Variants in AKAP11 observed in about 807,000 individuals in gnomAD.
AKAP11 encodes A-kinase anchor protein 11.
Under a neutral mutation model 146.1 loss-of-function variants are expected in AKAP11, and 36 were observed. The observed-to-expected ratio is 0.25, with a 90% CI of 0.19 to 0.33. The LOEUF (loss-of-function observed/expected upper bound fraction) is 0.33. AKAP11 is among the 10% of genes least tolerant of loss of function. AKAP11 has a pLI of 1.00. For synonymous variants in AKAP11, 780 were observed against 786.5 expected (o/e 0.99, Z 0.14); for missense variants, 2,201 against 2,197.0 (o/e 1.00, Z -0.04).
chr13:42,302,918 G>C lies in AKAP11; in HGVS notation c.4172G>C (p.Cys1391Ser), dbSNP rs375693040. The C allele has an allele frequency of 3.1e-6, 5 of 1,613,904 alleles. No homozygotes were observed. The highest frequency in any genetic ancestry group is 4.2e-6 in the Non-Finnish European group (5 of 1,179,986). ...QEAAKTTKVQ[C>S]NSRMFPVPSS... is the part of the protein sequence containing the mutation. ...GCAGCTAAGACAACCAAAGTGCAGTGCAACTCAAGAATGTTCCCTGTGCCA... is the reference window on the plus strand; with the variant it reads ...GCAGCTAAGACAACCAAAGTGCAGTCCAACTCAAGAATGTTCCCTGTGCCA... Residue 1391 changes from cysteine (C) to serine (S), a missense_variant, in exon 8 of 13, where the codon TGC (cysteine) becomes TCC (serine). Coordinates refer to ENST00000025301, the MANE Select transcript of AKAP11 (RefSeq NM_016248.4).
At chr13:42,315,448 C>T (rs1960773681) in intron 11 of AKAP11, among the ~76,000 whole-genome samples, 2 of 152,150 alleles carry the variant, frequency 1.3e-5, no homozygotes, top group Admixed American at 6.5e-5. Flanking sequence ...AAAAGTTATG[C>T]CTTTTCTCAA....
intron 11 of AKAP11, among the ~76,000 whole-genome samples, chr13:42,315,110 G>T (rs1005780589): frequency 6.6e-6 from 1 of 152,056 alleles, no homozygotes; most frequent in Admixed American, 6.6e-5. Flanking sequence ...TGCTTCTCTA[G>T]AAGCAGGCAA....
chr13:42,282,498 G>A (rs974859109), intron 1 of AKAP11, among the ~76,000 whole-genome samples: 1 of 151,974 alleles, frequency 6.6e-6, no homozygotes, highest in South Asian at 2.1e-4. Context: ...ATATATGTAG[G>A]ATAAATTTTA....
chr13:42,305,369 G>A (rs1250168687), intron 8 of AKAP11, among the ~76,000 whole-genome samples: 1 of 152,176 alleles, frequency 6.6e-6, no homozygotes, highest in East Asian at 1.9e-4. Flanking sequence ...GAGAGATGAT[G>A]TAGGTTTCTG....
chr13:42,302,921 A>C lies in AKAP11; in HGVS notation c.4175A>C (p.Asn1392Thr). Residue 1392 changes from asparagine (N) to threonine (T), a missense_variant, in exon 8 of 13, where the codon AAC (asparagine) becomes ACC (threonine). Physicochemically the swap from Asn to Thr is moderately conservative, Grantham distance 65 (BLOSUM62 0). This residue lies in a region of AKAP11 where 1,867 missense variants were observed against 1,833.5 expected (regional missense o/e 1.02). Coordinates refer to ENST00000025301, the MANE Select transcript of AKAP11 (RefSeq NM_016248.4). Reference sequence around the variant, plus strand: ...GCTAAGACAACCAAAGTGCAGTGCAACTCAAGAATGTTCCCTGTGCCAAGT... The same window carrying C: ...GCTAAGACAACCAAAGTGCAGTGCACCTCAAGAATGTTCCCTGTGCCAAGT... ...EAAKTTKVQC[N>T]SRMFPVPSSQ... 1 of 1,614,028 alleles carries C rather than the reference A, an allele frequency of 6.2e-7. No individual in the cohort carries two copies. Among genetic ancestry groups the C allele is most frequent in the Non-Finnish European group, 8.5e-7 (1 of 1,180,016 alleles).
chr13:42,272,495 T>G (rs1311532372), intron 1 of AKAP11, among the ~76,000 whole-genome samples: 1 of 152,294 alleles, frequency 6.6e-6, no homozygotes, highest in Non-Finnish European at 1.5e-5. Flanking sequence ...CGCGTCTTCC[T>G]GGGGTCCCAA....
In AKAP11 at chr13:42,313,142, C is replaced by A; in HGVS notation, c.5357+12C>A. The A allele has an allele frequency of 1.3e-6, 2 of 1,595,888 alleles. No homozygotes were observed. Among genetic ancestry groups the A allele is most frequent in the South Asian group, 1.1e-5 (1 of 88,904 alleles). On this transcript the variant is annotated intron_variant, in intron 10 of 12. Coordinates refer to ENST00000025301, the MANE Select transcript of AKAP11 (RefSeq NM_016248.4). Reference sequence around the variant, plus strand: ...CCAACATCAGACAGGTTGGTCCAGTCTAGAAACTTAAAAACTGATGAGTCT... The same window carrying A: ...CCAACATCAGACAGGTTGGTCCAGTATAGAAACTTAAAAACTGATGAGTCT...
Position 42,303,057 on chromosome 13 carries a change from T to C in AKAP11, c.4311T>C (p.Asn1437=). Reference sequence around the variant, plus strand: ...GAAATGAAGGTTACTTTTGTAAAAATCAAACTTGTGAAAGGACCCTGGATC... The same window carrying C: ...GAAATGAAGGTTACTTTTGTAAAAACCAAACTTGTGAAAGGACCCTGGATC... The part of the protein sequence containing the change: ...SKRNEGYFCK[N]QTCERTLDPY... The change falls in exon 8 of 13, where the codon AAT becomes AAC. Residue 1437 remains asparagine (N), a synonymous_variant. Coordinates refer to ENST00000025301, the MANE Select transcript of AKAP11 (RefSeq NM_016248.4). The C allele has an allele frequency of 6.2e-7, 1 of 1,612,464 alleles. No individual in the cohort carries two copies.
chr13:42,314,835 A>C (rs1207207972), intron 11 of AKAP11, among the ~76,000 whole-genome samples: 2 of 152,086 alleles, frequency 1.3e-5, no homozygotes, highest in East Asian at 3.8e-4. Context: ...TCAATACTAG[A>C]TATCACTGGC....
intron 4 of AKAP11, among the ~76,000 whole-genome samples, chr13:42,295,245 G>A (rs567361013): frequency 1.3e-5 from 2 of 152,188 alleles, no homozygotes; most frequent in Non-Finnish European, 1.5e-5. Flanking sequence ...TGTACAGGGC[G>A]TGTTCCAGAC....
At chr13:42,313,191 T>C in intron 10 of AKAP11, 61 bp downstream of exon 10, 5 of 1,270,532 alleles carry the variant, frequency 3.9e-6, no homozygotes, top group Non-Finnish European at 5.6e-6. Flanking sequence ...CATGATGTCA[T>C]ATTCTTCAAA....
Position 42,287,409 on chromosome 13 carries a change from G to A in AKAP11, c.51+1010G>A, listed in dbSNP as rs183819051. ...TGCCATTCTCCTGCCTCAGCCTCCC[G>A]AGTAGCTGGGACTACAGGTGCCCGC... On this transcript the variant is annotated intron_variant, in intron 3 of 12. Transcript: ENST00000025301. 1.7e-3 allele frequency among the ~76,000 whole-genome samples: 256 copies of A among 151,574 alleles called. 4 individuals carry two copies. The Middle Eastern group carries it at 0.034, about 20-fold the overall frequency.
Position 42,307,036 on chromosome 13 carries a change from G to A in AKAP11, c.5118-1418G>A, listed in dbSNP as rs1960296790. ...CGATTATATTCTAAGCTATCATTCC[G>A]AGCCAAAATAACCTCACAGTCATTA... On this transcript the variant is annotated intron_variant, in intron 8 of 12. Coordinates refer to ENST00000025301, the MANE Select transcript of AKAP11 (RefSeq NM_016248.4). Among the ~76,000 whole-genome samples the A allele has an allele frequency of 2.0e-5, 3 of 151,942 alleles. No homozygotes were observed. In the South Asian group the frequency reaches 6.2e-4, roughly 32 times the overall value.
chr13:42,308,381 A>G lies in AKAP11; in HGVS notation c.5118-73A>G, dbSNP rs1960385776. 3.1e-6 allele frequency: 4 copies of G among 1,271,138 alleles called. No homozygotes were observed. The Admixed American group carries it at 6.8e-5, about 22-fold the overall frequency. 78.7% of individuals were successfully genotyped at this position (1,271,138 alleles called of 1,614,324 possible). On this transcript the variant is annotated intron_variant, in intron 8 of 12. Coordinates refer to ENST00000025301, the MANE Select transcript of AKAP11 (RefSeq NM_016248.4). ...CTTGTTTTTATCATCTTTGTCATCA[A>G]ATTGATAGTCTTGTAAGTTCAGAAT... is the stretch of plus-strand genomic sequence containing the variant.
At chr13:42,304,668 G>A (rs1172519480) in intron 8 of AKAP11, among the ~76,000 whole-genome samples, 1 of 152,152 alleles carries the variant, frequency 6.6e-6, no homozygotes, top group East Asian at 1.9e-4. Context: ...CATTTCTCTT[G>A]ATTGGTTCAC....
At chr13:42,272,752 G>A (rs1459636027) in intron 1 of AKAP11, among the ~76,000 whole-genome samples, 2 of 152,254 alleles carry the variant, frequency 1.3e-5, no homozygotes, top group Non-Finnish European at 1.5e-5. Flanking sequence ...GCGTCAAGGG[G>A]CTCCTCAGAG....
intron 1 of AKAP11, among the ~76,000 whole-genome samples, chr13:42,281,279 A>G (rs1488520557): frequency 2.0e-5 from 3 of 152,212 alleles, no homozygotes; most frequent in African/African-American, 7.2e-5. Context: ...CTCAACCAGA[A>G]ATTACATGTG....
intron 11 of AKAP11, 88 bp from the exon 12 acceptor site, chr13:42,317,440 C>A: frequency 7.5e-7 from 1 of 1,338,676 alleles, no homozygotes; most frequent in East Asian, 2.4e-5. Context: ...TCCTAAGAAC[C>A]AGAAAATATT....
At chr13:42,295,929 A>G (rs148329211) in intron 5 of AKAP11, among the ~76,000 whole-genome samples, 187 bp downstream of exon 5, 1 of 152,214 alleles carries the variant, frequency 6.6e-6, no homozygotes, top group African/African-American at 2.4e-5. Context: ...TGACCTTAAC[A>G]GTAAAAATTC....
Sources: gnomAD v4.1 joint callset for allele counts (sites outside exome capture counted in the v4.1 genomes callset) on GRCh38, gnomAD v4.1.1 for gene constraint, gnomAD v4.1.1 regional missense constraint, MANE v1.5 for transcripts, NCBI Gene and HGNC (gene_info 2026-07-23, HGNC 2026-07-21) for gene names.